PTPRD: variants seen among roughly 807,000 people sequenced by gnomAD.
The protein encoded by PTPRD is protein tyrosine phosphatase receptor type D, also known as receptor-type tyrosine-protein phosphatase delta.
PTPRD carries 34 observed loss-of-function variants against 214.5 expected under a neutral mutation model. That is an observed-to-expected ratio of 0.16 (90% CI 0.12 to 0.21). The LOEUF is 0.21. Ranked by LOEUF, PTPRD falls within the 10% of genes least tolerant of loss-of-function variation. The probability of loss-of-function intolerance (pLI) is 1.00; values close to 1 mark genes in which losing one functional copy is unlikely to be tolerated. For synonymous variants in PTPRD, 1,128 were observed against 845.7 expected (o/e 1.33, Z -5.79); for missense variants, 2,545 against 2,398.7 (o/e 1.06, Z -1.27).
Position 9,956,311 on chromosome 9 carries a change from G to C in PTPRD, c.-471-17701C>G, listed in dbSNP as rs2093927447. On this transcript the variant is annotated intron_variant, in intron 4 of 45. Transcript: ENST00000381196. The stretch of plus-strand genomic sequence containing the variant: ...AAAAAAAAAAAACTCTACCAAATTG[G>C]TGAGTGTTATGAGACAAAAGTAGTG... 1.3e-5 allele frequency among the ~76,000 whole-genome samples: 2 copies of C among 151,206 alleles called. 1 individual carries two copies. The highest frequency in any genetic ancestry group is 4.2e-4 in the South Asian group (2 of 4,792).
At chr9:10,224,861 A>G (rs1033865772) in intron 3 of PTPRD, among the ~76,000 whole-genome samples, 2 of 152,032 alleles carry the variant, frequency 1.3e-5, no homozygotes, top group Admixed American at 6.6e-5. Flanking sequence ...TCTATTCCTT[A>G]TGATTTTCTT....
At chr9:10,042,040 A>G (rs575974469) in intron 3 of PTPRD, among the ~76,000 whole-genome samples, 7 of 152,190 alleles carry the variant, frequency 4.6e-5, no homozygotes, top group Admixed American at 3.3e-4. Flanking sequence ...CAGAATGACA[A>G]TGAATAATGT....
intron 14 of PTPRD, among the ~76,000 whole-genome samples, chr9:8,562,106 A>G (rs1033638232): frequency 2.6e-5 from 4 of 152,184 alleles, no homozygotes. Flanking sequence ...TTGAAGATGA[A>G]GGTATATATC....
chr9:8,992,841 G>A (rs73640978), intron 11 of PTPRD, among the ~76,000 whole-genome samples: 3,304 of 152,248 alleles, frequency 0.022, 123 homozygotes, highest in African/African-American at 0.073. Flanking sequence ...AGGGACTAAA[G>A]GGACAGAAAC....
chr9:8,618,901 T>C (rs914387449), intron 14 of PTPRD, among the ~76,000 whole-genome samples: 33 of 134,286 alleles, frequency 2.5e-4, no homozygotes, highest in Non-Finnish European at 5.1e-4. Flanking sequence ...TGTGTGTTTG[T>C]CTGTGTTTTT....
At chr9:10,514,139 G>C (rs550539450) in intron 2 of PTPRD, among the ~76,000 whole-genome samples, 1 of 151,942 alleles carries the variant, frequency 6.6e-6, no homozygotes, top group Non-Finnish European at 1.5e-5. Context: ...TTATAACTTG[G>C]ATAACATATT....
At chr9:9,665,365 A>G (rs2096701619) in intron 7 of PTPRD, among the ~76,000 whole-genome samples, 1 of 151,870 alleles carries the variant, frequency 6.6e-6, no homozygotes, top group South Asian at 2.1e-4. Flanking sequence ...AAAAGATTGC[A>G]TCAGAGTATT....
At chr9:9,049,421 G>A (rs2099680344) in intron 10 of PTPRD, among the ~76,000 whole-genome samples, 1 of 152,056 alleles carries the variant, frequency 6.6e-6, no homozygotes, top group South Asian at 2.1e-4. Flanking sequence ...TTGAAGACAG[G>A]ACAAAATAAA....
chr9:10,556,082 A>T (rs1032016152), intron 2 of PTPRD, among the ~76,000 whole-genome samples: 1 of 152,162 alleles, frequency 6.6e-6, no homozygotes, highest in Non-Finnish European at 1.5e-5. Flanking sequence ...TGTTTTTTAT[A>T]CTTCTGAGGC....
chr9:9,689,547 C>T (rs905899777), intron 7 of PTPRD, among the ~76,000 whole-genome samples: 2 of 151,624 alleles, frequency 1.3e-5, no homozygotes, highest in Non-Finnish European at 3.0e-5. Context: ...GTTATTTTGA[C>T]TATAGTCACT....
intron 2 of PTPRD, among the ~76,000 whole-genome samples, chr9:10,346,882 A>G (rs993125351): frequency 6.6e-6 from 1 of 152,202 alleles, no homozygotes; most frequent in Non-Finnish European, 1.5e-5. Flanking sequence ...GTAATCTTAG[A>G]TCTATCCATC....
At chr9:10,207,686 T>C (rs2099490615) in intron 3 of PTPRD, among the ~76,000 whole-genome samples, 1 of 151,858 alleles carries the variant, frequency 6.6e-6, no homozygotes, top group Non-Finnish European at 1.5e-5. Flanking sequence ...AAGAAACTTG[T>C]CATTTATATC....
intron 36 of PTPRD, among the ~76,000 whole-genome samples, chr9:8,403,577 A>G (rs2092670866): frequency 1.3e-5 from 2 of 152,220 alleles, no homozygotes; most frequent in African/African-American, 4.8e-5. Flanking sequence ...TTAATATGCC[A>G]CACAAAAGGG....
chr9:9,553,366 C>T (rs1245763763), intron 8 of PTPRD, among the ~76,000 whole-genome samples: 7 of 152,084 alleles, frequency 4.6e-5, no homozygotes, highest in Non-Finnish European at 1.0e-4. Context: ...AGCATTTCTG[C>T]CAACATTGTA....
At chr9:9,645,951 T>C (rs1339122838) in intron 7 of PTPRD, among the ~76,000 whole-genome samples, 1 of 152,006 alleles carries the variant, frequency 6.6e-6, no homozygotes, top group African/African-American at 2.4e-5. Flanking sequence ...GGGGTACATA[T>C]GATATTTTAA....
At chr9:8,813,804 C>A (rs548447430) in intron 11 of PTPRD, among the ~76,000 whole-genome samples, 2 of 152,320 alleles carry the variant, frequency 1.3e-5, no homozygotes, top group South Asian at 4.1e-4. Flanking sequence ...TACAGTTCTG[C>A]TGTCTAATAT....
At chr9:8,352,387 T>C (rs1331371186) in intron 39 of PTPRD, among the ~76,000 whole-genome samples, 4 of 152,166 alleles carry the variant, frequency 2.6e-5, no homozygotes, top group Admixed American at 2.6e-4. Flanking sequence ...TACGGAAGTT[T>C]AGAGAACTAT....
chr9:9,496,345 GAT>G (rs1273347585), intron 8 of PTPRD, among the ~76,000 whole-genome samples: 6 of 152,182 alleles, frequency 3.9e-5, no homozygotes, highest in African/African-American at 1.2e-4. Flanking sequence ...GAGAAAATCA[GAT>G]ATCCAGAATC....
At chr9:9,765,341 C>G (rs752454534) in intron 6 of PTPRD, among the ~76,000 whole-genome samples, 88 of 152,248 alleles carry the variant, frequency 5.8e-4, no homozygotes, top group Admixed American at 9.1e-4. Context: ...TTTCCCCAAG[C>G]ATTACGTTTG....
Sources: allele counts gnomAD v4.1 joint callset (sites outside exome capture counted in the v4.1 genomes callset), GRCh38; gene constraint gnomAD v4.1.1; transcripts MANE v1.5; gene names NCBI Gene and HGNC (gene_info 2026-07-23, HGNC 2026-07-21).